RFX3: variants seen among roughly 807,000 people sequenced by gnomAD.
RFX3 encodes the protein transcription factor RFX3.
In RFX3, 14 loss-of-function variants were observed where a neutral mutation model predicts 98.6. That is an observed-to-expected ratio of 0.14 (90% CI 0.09 to 0.22). The LOEUF (loss-of-function observed/expected upper bound fraction) is 0.22. Among genes scored for constraint, RFX3 ranks in the 10% least tolerant of loss-of-function variants. The pLI is 1.00. For synonymous variants in RFX3, 383 were observed against 328.4 expected (o/e 1.17, Z -1.80); for missense variants, 639 against 926.9 (o/e 0.69, Z 4.03).
At chr9:3,427,390 A>AAT (rs1192316102) in intron 1 of RFX3, among the ~76,000 whole-genome samples, 1 of 141,016 alleles carries the variant, frequency 7.1e-6, no homozygotes, top group Non-Finnish European at 1.5e-5. Flanking sequence ...ATAATAATAC[A>AAT]ATATATATAA....
chr9:3,358,523 A>T (rs1219489595), intron 2 of RFX3, among the ~76,000 whole-genome samples: 1 of 152,122 alleles, frequency 6.6e-6, no homozygotes, highest in Non-Finnish European at 1.5e-5. Flanking sequence ...TCACATGGAG[A>T]CTTTACAGTA....
chr9:3,350,531 C>T (rs1834982742), intron 2 of RFX3, among the ~76,000 whole-genome samples: 1 of 152,098 alleles, frequency 6.6e-6, no homozygotes, highest in Non-Finnish European at 1.5e-5. Context: ...TAAACATAAT[C>T]TAGTCATATG....
At chr9:3,344,360 G>C (rs1442987347) in intron 3 of RFX3, among the ~76,000 whole-genome samples, 1 of 152,092 alleles carries the variant, frequency 6.6e-6, no homozygotes, top group Non-Finnish European at 1.5e-5. Flanking sequence ...TACTTAACCA[G>C]TTGGGCATCC....
chr9:3,441,921 C>T (rs1284179896), intron 1 of RFX3, among the ~76,000 whole-genome samples: 2 of 152,074 alleles, frequency 1.3e-5, no homozygotes, highest in African/African-American at 2.4e-5. Flanking sequence ...CTTTACCAGC[C>T]GGGCATGGTG....
At chr9:3,301,890 C>G (rs1226206143) in intron 4 of RFX3, among the ~76,000 whole-genome samples, 1 of 151,684 alleles carries the variant, frequency 6.6e-6, no homozygotes, top group Non-Finnish European at 1.5e-5. Context: ...GAGCAGGGAC[C>G]CTGGTGGATT....
intron 1 of RFX3, among the ~76,000 whole-genome samples, chr9:3,444,092 T>G (rs977334116): frequency 6.6e-6 from 1 of 152,206 alleles, no homozygotes; most frequent in African/African-American, 2.4e-5. Flanking sequence ...AGAAAGCATT[T>G]GTCCAAAATC....
rs768626010 is a variant in RFX3, at chr9:3,275,628, C to A, written c.974-16G>T. On this transcript the variant is annotated splice_polypyrimidine_tract_variant and intron_variant, in intron 8 of 16. Coordinates refer to ENST00000617270, the MANE Select transcript of RFX3 (RefSeq NM_001282116.2). ...CGAGATGCATCTGTTACCGTGACAA[C>A]AGAACAGAAAAAAGCTATTGTGGAT... 7 of 1,501,180 alleles carry A rather than the reference C, an allele frequency of 4.7e-6. No individual in the cohort carries two copies. The highest frequency in any genetic ancestry group is 1.7e-5 in the Admixed American group (1 of 59,074). 93.0% of individuals were successfully genotyped at this position (1,501,180 alleles called of 1,614,324 possible). A position where few individuals can be genotyped will look rare whatever the true frequency, so the allele number is the denominator to read the frequency against.
intron 8 of RFX3, among the ~76,000 whole-genome samples, chr9:3,276,856 T>C (rs576255539): frequency 1.3e-5 from 2 of 152,044 alleles, no homozygotes; most frequent in East Asian, 1.9e-4. Flanking sequence ...ACTCTTTCAA[T>C]AACAAGAAAC....
At chr9:3,411,675 G>T (rs1842479922) in intron 1 of RFX3, among the ~76,000 whole-genome samples, 1 of 150,774 alleles carries the variant, frequency 6.6e-6, no homozygotes, top group Non-Finnish European at 1.5e-5. Flanking sequence ...TTTTTTAGTA[G>T]AGAGGGGATT....
At chr9:3,387,682 T>A (rs1359105242) in intron 2 of RFX3, among the ~76,000 whole-genome samples, 2 of 152,002 alleles carry the variant, frequency 1.3e-5, no homozygotes, top group African/African-American at 2.4e-5. Context: ...TATAACTCAA[T>A]CTTTCAGGAT....
intron 1 of RFX3, among the ~76,000 whole-genome samples, chr9:3,442,352 C>T (rs201481121): frequency 6.6e-6 from 1 of 151,546 alleles, no homozygotes; most frequent in Admixed American, 6.6e-5. Context: ...AAATCAGAAC[C>T]CCTGTGTAAT....
At chr9:3,257,302 G>A in intron 13 of RFX3, 103 bp from the exon 14 acceptor site, 1 of 873,404 alleles carries the variant, frequency 1.1e-6, no homozygotes, top group African/African-American at 1.7e-5. Context: ...TATAATAAAA[G>A]CTTCACACAG....
chr9:3,254,696 C>T (rs773310695), intron 14 of RFX3, among the ~76,000 whole-genome samples: 1 of 152,098 alleles, frequency 6.6e-6, no homozygotes, highest in Non-Finnish European at 1.5e-5. Flanking sequence ...AGCCATCGTG[C>T]CTGGCTGAAA....
In RFX3 at chr9:3,228,843, T is replaced by C. The variant is rs777441707; in HGVS notation, c.2011+4A>G. The C allele has an allele frequency of 1.2e-6, 2 of 1,607,380 alleles. No individual in the cohort carries two copies. Among genetic ancestry groups the C allele is most frequent in the Non-Finnish European group, 1.7e-6 (2 of 1,177,588 alleles). On this transcript the variant is annotated splice_donor_region_variant and intron_variant, in intron 16 of 16. Transcript: ENST00000617270. ...TTAAAATGTACATTATTTTCGATTC[T>C]TACCTTTATCCAGATTTCCAGGAGA...
intron 3 of RFX3, among the ~76,000 whole-genome samples, chr9:3,337,247 A>G (rs981232836): frequency 2.6e-5 from 4 of 152,208 alleles, no homozygotes; most frequent in Non-Finnish European, 5.9e-5. Context: ...TACAATAATA[A>G]GAGGTGATCT....
intron 3 of RFX3, among the ~76,000 whole-genome samples, chr9:3,337,260 T>C (rs16917139): frequency 0.065 from 9,832 of 152,222 alleles, 1,066 homozygotes; most frequent in African/African-American, 0.22. Context: ...GGTGATCTTA[T>C]TGGAAGCTTG....
intron 4 of RFX3, among the ~76,000 whole-genome samples, chr9:3,314,515 C>A (rs1422695459): frequency 1.3e-5 from 2 of 152,182 alleles, no homozygotes; most frequent in East Asian, 3.8e-4. Flanking sequence ...CAAATTCACA[C>A]ATAACTATAT....
chr9:3,450,866 T>C (rs1846546843), intron 1 of RFX3, among the ~76,000 whole-genome samples: 1 of 152,222 alleles, frequency 6.6e-6, no homozygotes, highest in African/African-American at 2.4e-5. Context: ...AATGACTTAA[T>C]TTAGTACTAC....
At chr9:3,258,432 C>T (rs1822418103) in intron 13 of RFX3, among the ~76,000 whole-genome samples, 1 of 152,124 alleles carries the variant, frequency 6.6e-6, no homozygotes, top group African/African-American at 2.4e-5. Flanking sequence ...ATCCTACAGA[C>T]TTTACCTATT....
Sources: allele counts gnomAD v4.1 joint callset (sites outside exome capture counted in the v4.1 genomes callset), GRCh38; gene constraint gnomAD v4.1.1; transcripts MANE v1.5; gene names NCBI Gene and HGNC (gene_info 2026-07-23, HGNC 2026-07-21).